ATP8A2: variants seen among roughly 807,000 people sequenced by gnomAD.
ATP8A2 encodes phospholipid-transporting ATPase IB.
Under a neutral mutation model 165.6 loss-of-function variants are expected in ATP8A2, and 100 were observed. The observed-to-expected ratio is 0.60, with a 90% CI of 0.51 to 0.71. The LOEUF (loss-of-function observed/expected upper bound fraction) is 0.71. Among genes scored for constraint, ATP8A2 ranks in the 30% least tolerant of loss-of-function variants. ATP8A2 has a pLI of 0.00. For synonymous variants in ATP8A2, 543 were observed against 548.8 expected, an observed-to-expected ratio of 0.99 and a Z score of 0.15; for missense variants, 1,227 against 1,479.5, an observed-to-expected ratio of 0.83 and a Z score of 2.80.
chr13:25,454,728 C>G (rs922153612), intron 1 of ATP8A2, among the ~76,000 whole-genome samples: 3 of 152,138 alleles, frequency 2.0e-5, no homozygotes, highest in African/African-American at 7.2e-5. Context: ...TCGAGACCAG[C>G]CTGACCAACG....
At chr13:25,889,382 C>G (rs1332038268) in intron 33 of ATP8A2, among the ~76,000 whole-genome samples, 1 of 151,214 alleles carries the variant, frequency 6.6e-6, no homozygotes, top group Non-Finnish European at 1.5e-5. Context: ...TTTAAATCAC[C>G]TTCTTTTTTA....
intron 24 of ATP8A2, among the ~76,000 whole-genome samples, chr13:25,679,248 T>C (rs539425284): frequency 2.0e-5 from 3 of 152,298 alleles, no homozygotes; most frequent in Middle Eastern, 3.4e-3. Context: ...TTTGGACTTA[T>C]TAAATTCTCT....
At chr13:25,470,310 A>G (rs1419778624) in intron 2 of ATP8A2, among the ~76,000 whole-genome samples, 2 of 152,340 alleles carry the variant, frequency 1.3e-5, no homozygotes, top group Non-Finnish European at 2.9e-5. Flanking sequence ...AGTGTAATTT[A>G]GAAGAATAGC....
At chr13:25,775,005 A>G in intron 27 of ATP8A2, 46 bp downstream of exon 27, 2 of 1,113,012 alleles carry the variant, frequency 1.8e-6, no homozygotes, top group Non-Finnish European at 2.7e-6. Context: ...TTCTTTTAAG[A>G]GGATATCTTG....
intron 2 of ATP8A2, among the ~76,000 whole-genome samples, chr13:25,520,605 T>G (rs2037634199): frequency 2.0e-5 from 3 of 146,682 alleles, no homozygotes; most frequent in Non-Finnish European, 3.0e-5. Context: ...TTTTTTTTTT[T>G]GTTTTTTTTT....
At chr13:25,850,289 C>T (rs1951972733) in intron 30 of ATP8A2, among the ~76,000 whole-genome samples, 1 of 152,194 alleles carries the variant, frequency 6.6e-6, no homozygotes, top group Admixed American at 6.5e-5. Context: ...GAGATCACAT[C>T]TCTCCATATG....
At chr13:25,817,683 TTC>T (rs1239603946) in intron 27 of ATP8A2, among the ~76,000 whole-genome samples, 5 of 151,582 alleles carry the variant, frequency 3.3e-5, no homozygotes, top group South Asian at 4.2e-4. Flanking sequence ...TTTTTTCTTT[TTC>T]TTTTTTTTTG....
chr13:25,674,070 G>T (rs1352651825), intron 24 of ATP8A2, among the ~76,000 whole-genome samples: 1 of 152,176 alleles, frequency 6.6e-6, no homozygotes, highest in Non-Finnish European at 1.5e-5. Flanking sequence ...CATAAACGGA[G>T]ACTTCGGGAA....
chr13:25,879,227 C>T (rs563238064), intron 33 of ATP8A2, among the ~76,000 whole-genome samples: 25 of 152,200 alleles, frequency 1.6e-4, no homozygotes, highest in Non-Finnish European at 1.3e-4. Flanking sequence ...AATGCTTTAT[C>T]GAGCACCTGG....
chr13:25,989,238 T>C (rs1446120252), intron 35 of ATP8A2, among the ~76,000 whole-genome samples: 2 of 152,222 alleles, frequency 1.3e-5, no homozygotes, highest in Non-Finnish European at 2.9e-5. Context: ...CCTGTGTGCA[T>C]TGAAGAAAGT....
At chr13:25,697,698 C>T (rs1437851265) in intron 24 of ATP8A2, among the ~76,000 whole-genome samples, 1 of 152,134 alleles carries the variant, frequency 6.6e-6, no homozygotes, top group Non-Finnish European at 1.5e-5. Context: ...TTTATTTGTT[C>T]ATAAGAAAAG....
rs1044290051 is a variant in ATP8A2, at chr13:25,783,140, C to T, written c.2679+8181C>T. Reference sequence around the variant, plus strand: ...CTGTGGTTGTTTGAATCTGTGGAGACGGAGAGCCTGGCTGTACAGCGTAAG... The same window carrying T: ...CTGTGGTTGTTTGAATCTGTGGAGATGGAGAGCCTGGCTGTACAGCGTAAG... On this transcript the variant is annotated intron_variant, in intron 27 of 36. Coordinates refer to ENST00000381655, the MANE Select transcript of ATP8A2 (RefSeq NM_016529.6). Among the ~76,000 whole-genome samples the T allele has an allele frequency of 3.9e-5, 6 of 152,162 alleles. No individual in the cohort carries two copies. In the East Asian group the frequency reaches 5.8e-4, roughly 15 times the overall value.
chr13:25,877,680 C>T (rs1952854144), intron 33 of ATP8A2, among the ~76,000 whole-genome samples: 1 of 152,222 alleles, frequency 6.6e-6, no homozygotes, highest in African/African-American at 2.4e-5. Context: ...AACTTTCATA[C>T]TAGCCATGTG....
intron 24 of ATP8A2, among the ~76,000 whole-genome samples, chr13:25,591,095 T>C (rs1168028201): frequency 6.6e-6 from 1 of 151,994 alleles, no homozygotes; most frequent in Non-Finnish European, 1.5e-5. Context: ...CACACGTCTT[T>C]ATTTTTCTCC....
chr13:25,665,289 T>C (rs1246631548), intron 24 of ATP8A2, among the ~76,000 whole-genome samples: 18 of 152,170 alleles, frequency 1.2e-4, no homozygotes, highest in Admixed American at 1.2e-3. Context: ...TTTTGAGTGG[T>C]ATTTTAGAAT....
At chr13:25,816,138 A>G (rs921691702) in intron 27 of ATP8A2, among the ~76,000 whole-genome samples, 1 of 152,212 alleles carries the variant, frequency 6.6e-6, no homozygotes, top group African/African-American at 2.4e-5. Flanking sequence ...ACTGAACTGC[A>G]CACTTGAAAA....
At position 25,898,794 on chromosome 13, in the gene ATP8A2, T is replaced by C. The variant is rs373919439; in HGVS notation, c.3183+36386T>C. On this transcript the variant is annotated intron_variant, in intron 33 of 36. Coordinates refer to ENST00000381655, the MANE Select transcript of ATP8A2 (RefSeq NM_016529.6). ...TGATCTCAGACTACTGTACTAGCAA[T>C]GAACGAGGCTCCGTGGGCATAGAAC... Among the ~76,000 whole-genome samples the C allele has an allele frequency of 1.7e-4, 26 of 152,312 alleles. No individual in the cohort carries two copies. The East Asian group carries it at 3.5e-3, about 20-fold the overall frequency.
At chr13:25,741,149 A>G (rs2043902478) in intron 25 of ATP8A2, among the ~76,000 whole-genome samples, 1 of 152,244 alleles carries the variant, frequency 6.6e-6, no homozygotes, top group Non-Finnish European at 1.5e-5. Flanking sequence ...GTTTGAGAAA[A>G]TTAATTTAAA....
intron 26 of ATP8A2, among the ~76,000 whole-genome samples, chr13:25,774,169 T>C (rs1484086847): frequency 6.6e-6 from 1 of 152,128 alleles, no homozygotes; most frequent in Non-Finnish European, 1.5e-5. Context: ...CAAATGTCCA[T>C]CCGTGCTAGA....
Sources: gnomAD v4.1 joint callset for allele counts (sites outside exome capture counted in the v4.1 genomes callset) on GRCh38, gnomAD v4.1.1 for gene constraint, MANE v1.5 for transcripts, NCBI Gene and HGNC (gene_info 2026-07-23, HGNC 2026-07-21) for gene names.